The following SEMA3C variants were observed in gnomAD, a reference collection of about 807,000 sequenced individuals.
SEMA3C encodes the protein semaphorin-3C.
SEMA3C carries 47 observed loss-of-function variants against 89.4 expected under a neutral mutation model. That is an observed-to-expected ratio of 0.53 (90% CI 0.42 to 0.67). The LOEUF (loss-of-function observed/expected upper bound fraction) is 0.67, where lower values mean the gene tolerates loss of function less well. Ranked by LOEUF, SEMA3C falls within the 30% of genes least tolerant of loss-of-function variation. The pLI is 0.00. For missense variants in SEMA3C, 839 were observed against 929.1 expected, an observed-to-expected ratio of 0.90 and a Z score of 1.26; for synonymous variants, 310 against 320.2, an observed-to-expected ratio of 0.97 and a Z score of 0.34.
intron 2 of SEMA3C, among the ~76,000 whole-genome samples, chr7:80,909,507 T>C (rs2116231705): frequency 6.6e-6 from 1 of 152,318 alleles, no homozygotes; most frequent in South Asian, 2.1e-4. Flanking sequence ...GTAGAATGTT[T>C]TATACTTTTA....
At chr7:80,828,510 T>G in intron 3 of SEMA3C, 75 bp downstream of exon 3, 1 of 1,224,312 alleles carries the variant, frequency 8.2e-7, no homozygotes, top group South Asian at 1.6e-5. Flanking sequence ...GCATATTATT[T>G]TTTACTTATT....
chr7:80,755,091 C>T (rs149323636), intron 15 of SEMA3C, among the ~76,000 whole-genome samples: 2,873 of 151,730 alleles, frequency 0.019, 45 homozygotes, highest in Non-Finnish European at 0.029. Flanking sequence ...TAAGCCACTG[C>T]ACCTAGCCAA....
intron 2 of SEMA3C, among the ~76,000 whole-genome samples, chr7:80,863,261 TA>T (rs1033990579): frequency 1.4e-5 from 2 of 147,352 alleles, no homozygotes; most frequent in Admixed American, 1.4e-4. Flanking sequence ...TCAACATCAC[TA>T]ATGATCAGGG....
chr7:80,910,286 A>T (rs930258456), intron 2 of SEMA3C, among the ~76,000 whole-genome samples: 1 of 152,236 alleles, frequency 6.6e-6, no homozygotes, highest in Non-Finnish European at 1.5e-5. Context: ...GAAGTAACAT[A>T]TCCCTATTGA....
Position 80,800,751 on chromosome 7 carries a change from A to C in SEMA3C, c.986+6T>G, listed in dbSNP as rs1286118183. ...AACTCATAAAATGTAACTGTTGAAT[A>C]ATTACCTTGATGTTGTAAAAATGCC... On this transcript the variant is annotated splice_donor_region_variant and intron_variant, in intron 10 of 17. Coordinates refer to ENST00000265361, the MANE Select transcript of SEMA3C (RefSeq NM_006379.5). 3.3e-6 allele frequency: 5 copies of C among 1,506,722 alleles called. No homozygotes were observed. The highest frequency in any genetic ancestry group is 4.5e-6 in the Non-Finnish European group (5 of 1,115,890). The allele number at this position is 1,506,722 out of a possible 1,614,324, so 93.3% of individuals were successfully genotyped here.
chr7:80,851,302 C>T (rs562520495), intron 2 of SEMA3C, among the ~76,000 whole-genome samples: 6 of 151,774 alleles, frequency 4.0e-5, no homozygotes, highest in African/African-American at 1.5e-4. Flanking sequence ...GTCAGGAGAT[C>T]GAGACCAGCC....
At chr7:80,866,220 T>C (rs1465463912) in intron 2 of SEMA3C, among the ~76,000 whole-genome samples, 1 of 152,154 alleles carries the variant, frequency 6.6e-6, no homozygotes, top group Non-Finnish European at 1.5e-5. Context: ...GGAAGTTAAG[T>C]AATTTGTCAA....
chr7:80,824,974 T>C (rs1562892569), intron 4 of SEMA3C, among the ~76,000 whole-genome samples: 1 of 152,142 alleles, frequency 6.6e-6, no homozygotes, highest in Admixed American at 6.6e-5. Flanking sequence ...AAGGACTCCA[T>C]CTAATTCACC....
At position 80,744,508 on chromosome 7, in the gene SEMA3C, A is replaced by G; in HGVS notation, c.*386T>C. The G allele has an allele frequency of 5.1e-6, 1 of 194,570 alleles. No homozygotes were observed. Among genetic ancestry groups the G allele is most frequent in the South Asian group, 1.1e-4 (1 of 9,130 alleles). The allele number at this position is 194,570 out of a possible 1,614,324, so 12.1% of individuals were successfully genotyped here. Reference sequence around the variant, plus strand: ...GTGGATTTGGAACTTGTTTTCATATACAAAATCACTGACAATTAGAATTCT... The same window carrying G: ...GTGGATTTGGAACTTGTTTTCATATGCAAAATCACTGACAATTAGAATTCT... On this transcript the variant is annotated 3_prime_UTR_variant, in exon 18 of 18. Coordinates refer to ENST00000265361, the MANE Select transcript of SEMA3C (RefSeq NM_006379.5).
chr7:80,802,897 C>T (rs956186990), intron 8 of SEMA3C, 118 bp from the exon 9 acceptor site: 1 of 615,538 alleles, frequency 1.6e-6, no homozygotes, highest in Non-Finnish European at 3.0e-6. Flanking sequence ...GATATGTTAA[C>T]CACTTCTGCA....
intron 12 of SEMA3C, among the ~76,000 whole-genome samples, chr7:80,782,860 G>A (rs1398017843): frequency 6.6e-6 from 1 of 152,000 alleles, no homozygotes; most frequent in Non-Finnish European, 1.5e-5. Context: ...AATTTATTTA[G>A]CATTACTGGA....
Position 80,840,533 on chromosome 7 carries a change from AAAAAAAAAAAGAGCG to A in SEMA3C, c.104-11803_104-11789del, listed in dbSNP as rs1790240034. The stretch of plus-strand genomic sequence containing the variant: ...CTGTCTCCAGGAAAAAAAAAAAAAA[AAAAAAAAAAAGAGCG>A]AGAGAGAGAGAGCGCGATGGTAAAT... On this transcript the variant is annotated intron_variant, in intron 2 of 17. Transcript: ENST00000265361. 4.2e-5 allele frequency among the ~76,000 whole-genome samples: 6 copies of A among 143,824 alleles called. No homozygotes were observed. In the South Asian group the frequency reaches 1.3e-3, roughly 32 times the overall value. The allele number at this position is 143,824 out of a possible 152,430, so 94.4% of individuals were successfully genotyped here.
intron 6 of SEMA3C, 92 bp from the exon 7 acceptor site, chr7:80,805,850 T>G (rs377629834): frequency 1.3e-6 from 1 of 775,870 alleles, no homozygotes; most frequent in African/African-American, 1.8e-5. Context: ...ACCACAGGTA[T>G]TACAGTGTTA....
chr7:80,891,796 GATT>G (rs1193840354), intron 2 of SEMA3C, among the ~76,000 whole-genome samples: 1 of 151,998 alleles, frequency 6.6e-6, no homozygotes, highest in Non-Finnish European at 1.5e-5. Context: ...TCATTCTCCA[GATT>G]ATATAAAGTA....
chr7:80,871,960 C>A (rs562902491), intron 2 of SEMA3C, among the ~76,000 whole-genome samples: 2 of 152,022 alleles, frequency 1.3e-5, no homozygotes, highest in Admixed American at 6.5e-5. Context: ...TTTTTCACTA[C>A]AAAATAACCT....
chr7:80,804,355 A>C, intron 7 of SEMA3C, 107 bp from the exon 8 acceptor site: 2 of 665,494 alleles, frequency 3.0e-6, no homozygotes, highest in Non-Finnish European at 4.5e-6. Context: ...GTAGAAAAAA[A>C]CAATTCAACA....
rs143022739 is a variant in SEMA3C at position 80,889,419 on chromosome 7, T to C, written c.103+27260A>G. Among the ~76,000 whole-genome samples the C allele has an allele frequency of 3.2e-3, 488 of 152,292 alleles. 3 individuals are homozygous for C. The highest frequency in any genetic ancestry group is 0.011 in the African/African-American group (454 of 41,582). ...GAATAAATCTTCAAATAATTACTTA[T>C]TAAACATAATTTACTATCAATATAG... On this transcript the variant is annotated intron_variant, in intron 2 of 17. Coordinates refer to ENST00000265361, the MANE Select transcript of SEMA3C (RefSeq NM_006379.5).
At chr7:80,881,234 A>G (rs1252382360) in intron 2 of SEMA3C, among the ~76,000 whole-genome samples, 1 of 150,960 alleles carries the variant, frequency 6.6e-6, no homozygotes, top group Non-Finnish European at 1.5e-5. Context: ...AAGTTTTTCA[A>G]TCATTTTAAC....
At chr7:80,918,408 C>T (rs1792328911) in intron 1 of SEMA3C, 1 of 152,138 alleles carries the variant, frequency 6.6e-6, no homozygotes, top group African/African-American at 2.4e-5. Context: ...ATTTACATCC[C>T]ACCTAGTGAT....
Sources: gnomAD v4.1 joint callset for allele counts (sites outside exome capture counted in the v4.1 genomes callset) on GRCh38, gnomAD v4.1.1 for gene constraint, MANE v1.5 for transcripts, NCBI Gene and HGNC (gene_info 2026-07-23, HGNC 2026-07-21) for gene names.